Variants in MYO3B observed in about 807,000 individuals in gnomAD.
MYO3B encodes the protein myosin IIIB.
MYO3B carries 156 observed loss-of-function variants against 174.6 expected under a neutral mutation model. The ratio of observed to expected loss-of-function variants is 0.89; its 90% CI spans 0.78 to 1.02. The LOEUF is 1.02. Ranked by LOEUF, MYO3B falls within the 50% of genes least tolerant of loss-of-function variation. The pLI is 0.00. For missense variants in MYO3B, 1,632 were observed against 1,639.4 expected (o/e 1.00, Z 0.08); for synonymous variants, 563 against 569.1 (o/e 0.99, Z 0.15).
chr2:170,589,894 C>G (rs570317249), intron 32 of MYO3B, among the ~76,000 whole-genome samples: 1 of 152,348 alleles, frequency 6.6e-6, no homozygotes, highest in African/African-American at 2.4e-5. Context: ...GTGCCCTATA[C>G]AGAGGTACCA....
intron 7 of MYO3B, among the ~76,000 whole-genome samples, chr2:170,280,796 C>T (rs2105391991): frequency 6.6e-6 from 1 of 152,080 alleles, no homozygotes; most frequent in East Asian, 1.9e-4. Flanking sequence ...AGGTGTGCGG[C>T]CTTATTTCTG....
chr2:170,400,291 C>T lies in MYO3B; in HGVS notation c.1895C>T (p.Pro632Leu). ...CATCAGACTGATAAAAGTGAGGTGC[C>T]CAATGCTGAAGCTTTGCAAAATGGT... ...SQHQTDKSEV[P>L]NAEALQNAAS... Residue 632 changes from proline (P) to leucine (L), a missense_variant, in exon 17 of 35, where the codon CCC becomes CTC. By Grantham distance (98) the Pro-to-Leu change is moderately conservative (BLOSUM62 -3). Coordinates refer to ENST00000408978, the MANE Select transcript of MYO3B (RefSeq NM_138995.5). 1 of 1,613,946 alleles carries T rather than the reference C, an allele frequency of 6.2e-7. No homozygotes were observed. Among genetic ancestry groups the T allele is most frequent in the Non-Finnish European group, 8.5e-7 (1 of 1,179,982 alleles).
At chr2:170,645,827 C>A (rs1347836152) in intron 32 of MYO3B, among the ~76,000 whole-genome samples, 2 of 152,116 alleles carry the variant, frequency 1.3e-5, no homozygotes, top group Admixed American at 6.5e-5. Flanking sequence ...TATTTTACTT[C>A]TTTTTCCAAG....
chr2:170,275,672 C>T (rs572507517), intron 7 of MYO3B, among the ~76,000 whole-genome samples: 5 of 151,934 alleles, frequency 3.3e-5, no homozygotes, highest in African/African-American at 9.7e-5. Context: ...TTCTAAGATA[C>T]GTTTCTTTAT....
At chr2:170,308,103 T>C (rs1055698485) in intron 7 of MYO3B, among the ~76,000 whole-genome samples, 1 of 152,212 alleles carries the variant, frequency 6.6e-6, no homozygotes, top group African/African-American at 2.4e-5. Context: ...ATTGAGTCAA[T>C]GGCCAGGGCA....
At chr2:170,328,551 T>C (rs1363666707) in intron 7 of MYO3B, among the ~76,000 whole-genome samples, 1 of 152,160 alleles carries the variant, frequency 6.6e-6, no homozygotes, top group Non-Finnish European at 1.5e-5. Flanking sequence ...GGAAGGATAC[T>C]AAGTGTTCAT....
intron 32 of MYO3B, among the ~76,000 whole-genome samples, chr2:170,627,259 CT>C (rs1432484100): frequency 6.6e-6 from 1 of 152,044 alleles, no homozygotes; most frequent in Non-Finnish European, 1.5e-5. Flanking sequence ...TCTTTTTATT[CT>C]TTTTTCTCTA....
chr2:170,347,817 G>T (rs1190635294), intron 8 of MYO3B: 2 of 152,116 alleles, frequency 1.3e-5, no homozygotes, highest in Non-Finnish European at 2.9e-5. Context: ...TACATTCAGT[G>T]TGTGCAACCA....
chr2:170,624,036 A>G (rs1696174149), intron 32 of MYO3B, among the ~76,000 whole-genome samples: 2 of 152,172 alleles, frequency 1.3e-5, no homozygotes, highest in Admixed American at 6.6e-5. Context: ...TTTTGGCTTC[A>G]GATTGACTTG....
chr2:170,268,516 G>A (rs1435429205), intron 7 of MYO3B, among the ~76,000 whole-genome samples: 1 of 152,186 alleles, frequency 6.6e-6, no homozygotes, highest in Non-Finnish European at 1.5e-5. Context: ...ATAAGACTAT[G>A]TGCTTTTCTA....
At chr2:170,243,195 A>G (rs756667965) in intron 7 of MYO3B, among the ~76,000 whole-genome samples, 2 of 152,198 alleles carry the variant, frequency 1.3e-5, no homozygotes, top group Non-Finnish European at 2.9e-5. Context: ...ATGATTTTTC[A>G]TGAGTCTATG....
At chr2:170,221,341 G>T (rs1229093128) in intron 6 of MYO3B, among the ~76,000 whole-genome samples, 1 of 152,098 alleles carries the variant, frequency 6.6e-6, no homozygotes, top group Non-Finnish European at 1.5e-5. Context: ...GAACCAAATT[G>T]TTTTTTCCCT....
intron 1 of MYO3B, among the ~76,000 whole-genome samples, chr2:170,179,536 C>T (rs1298466381): frequency 6.6e-6 from 1 of 152,160 alleles, no homozygotes; most frequent in Non-Finnish European, 1.5e-5. Flanking sequence ...TTGTGGGAGA[C>T]GGCTCCTAGT....
intron 7 of MYO3B, among the ~76,000 whole-genome samples, chr2:170,316,210 T>C (rs764680798): frequency 1.1e-4 from 17 of 152,260 alleles, no homozygotes; most frequent in Middle Eastern, 3.2e-3. Flanking sequence ...ATGAAGTATA[T>C]GTACATATGT....
chr2:170,219,774 A>G (rs756017074), intron 6 of MYO3B, among the ~76,000 whole-genome samples: 1 of 152,228 alleles, frequency 6.6e-6, no homozygotes, highest in Non-Finnish European at 1.5e-5. Context: ...TTGTCTGTAG[A>G]TTTAGATCTG....
intron 3 of MYO3B, among the ~76,000 whole-genome samples, chr2:170,207,065 T>G (rs183802113): frequency 1.2e-3 from 183 of 152,312 alleles, no homozygotes; most frequent in African/African-American, 4.0e-3. Context: ...TACTTTCATT[T>G]CACTTGACAC....
At chr2:170,586,935 T>A (rs532203910) in intron 32 of MYO3B, among the ~76,000 whole-genome samples, 1 of 152,376 alleles carries the variant, frequency 6.6e-6, no homozygotes, top group South Asian at 2.1e-4. Context: ...TAAGAGTTTG[T>A]ATAAACAACA....
At chr2:170,418,197 C>A (rs948834371) in intron 22 of MYO3B, among the ~76,000 whole-genome samples, 2 of 152,148 alleles carry the variant, frequency 1.3e-5, no homozygotes, top group African/African-American at 4.8e-5. Context: ...GCTAGGGAGC[C>A]CTGGTTTCCA....
intron 32 of MYO3B, chr2:170,602,087 TCTCTGAGCACTTCTTAGAAAA>T (rs1165183329): frequency 8.7e-7 from 1 of 1,147,132 alleles, no homozygotes; most frequent in East Asian, 2.3e-5. Flanking sequence ...GCCTTCCACC[TCTCTGAGCACTTCTTAGAAAA>T]CTCTGAGAAG....
Sources: allele counts gnomAD v4.1 joint callset (sites outside exome capture counted in the v4.1 genomes callset), GRCh38; gene constraint gnomAD v4.1.1; transcripts MANE v1.5; gene names NCBI Gene and HGNC (gene_info 2026-07-23, HGNC 2026-07-21).